SPTBN1: variants seen among roughly 807,000 people sequenced by gnomAD.
The protein encoded by SPTBN1 is spectrin beta, non-erythrocytic 1.
Under a neutral mutation model 266.4 loss-of-function variants are expected in SPTBN1, and 32 were observed. The ratio of observed to expected loss-of-function variants is 0.12; its 90% CI spans 0.09 to 0.16. The LOEUF (loss-of-function observed/expected upper bound fraction) is 0.16. Among genes scored for constraint, SPTBN1 ranks in the 10% least tolerant of loss-of-function variants. SPTBN1 has a pLI of 1.00. For synonymous variants in SPTBN1, 1,336 were observed against 1,162.2 expected, an observed-to-expected ratio of 1.15 and a Z score of -3.04; for missense variants, 2,296 against 3,067.1, an observed-to-expected ratio of 0.75 and a Z score of 5.94.
rs924648198 is a variant in SPTBN1, at chr2:54,626,652, G to C, written c.1644+418G>C. Among the ~76,000 whole-genome samples the C allele has an allele frequency of 1.3e-5, 2 of 152,326 alleles. No individual in the cohort carries two copies. Among genetic ancestry groups the C allele is most frequent in the East Asian group, 3.9e-4 (2 of 5,190 alleles). ...TGGTAGGTGCCATGGACAGAGGAGA[G>C]GTCAGGAACCAGGCAGCCAGAGTTC... On this transcript the variant is annotated intron_variant, in intron 12 of 35. Coordinates refer to ENST00000356805, the MANE Select transcript of SPTBN1 (RefSeq NM_003128.3). This position sits in a 1 kb window ranked among gnomAD's most constrained non-coding sequence, Gnocchi z 4.7.
At chr2:54,509,482 G>C (rs891722556) in intron 1 of SPTBN1, among the ~76,000 whole-genome samples, 1 of 152,252 alleles carries the variant, frequency 6.6e-6, no homozygotes, top group Non-Finnish European at 1.5e-5. Context: ...AAGTGTTAGG[G>C]CAGCGGCAGC....
intron 2 of SPTBN1, among the ~76,000 whole-genome samples, chr2:54,544,695 T>C (rs993715137): frequency 6.6e-6 from 1 of 152,222 alleles, no homozygotes; most frequent in African/African-American, 2.4e-5. Context: ...TATAGAGATA[T>C]AAAATATATC....
chr2:54,644,783 C>A (rs971382871), intron 20 of SPTBN1, among the ~76,000 whole-genome samples, 197 bp downstream of exon 20: 1 of 152,118 alleles, frequency 6.6e-6, no homozygotes. Context: ...TAGAAAGACA[C>A]AGTATTAGGA....
intron 3 of SPTBN1, among the ~76,000 whole-genome samples, chr2:54,608,433 G>T (rs1370938436): frequency 1.3e-5 from 2 of 152,166 alleles, no homozygotes; most frequent in African/African-American, 4.8e-5. Context: ...AGCCTTGGAA[G>T]GTAGGTAGGT....
chr2:54,648,518 G>A (rs1462728127), intron 24 of SPTBN1, among the ~76,000 whole-genome samples: 1 of 152,180 alleles, frequency 6.6e-6, no homozygotes, highest in Non-Finnish European at 1.5e-5. Flanking sequence ...TGTCCCTCTG[G>A]CAGCATGGTA....
chr2:54,577,054 G>A (rs75933598), intron 2 of SPTBN1, among the ~76,000 whole-genome samples: 5,904 of 152,052 alleles, frequency 0.039, 151 homozygotes, highest in Admixed American at 0.087. Context: ...CATCATGCAA[G>A]TTTTTTTTCC....
rs372500321 is a variant in SPTBN1 at position 54,645,500 on chromosome 2, G to C, written c.4494+47G>C. On this transcript the variant is annotated intron_variant, in intron 21 of 35. Coordinates refer to ENST00000356805, the MANE Select transcript of SPTBN1 (RefSeq NM_003128.3). The surrounding 1 kb of genome is among the most constrained non-coding windows in gnomAD (Gnocchi z 4.3). ...ACATGGCTTTTCCACGAGCCCCCTT[G>C]CCTGTGCTAAAGCCCACATTCTCAC... The C allele has an allele frequency of 6.3e-6, 10 of 1,589,480 alleles. No homozygotes were observed. In the African/African-American group the frequency reaches 1.1e-4, roughly 17 times the overall value.
At chr2:54,613,235 T>A (rs1677351131) in intron 4 of SPTBN1, among the ~76,000 whole-genome samples, 1 of 152,236 alleles carries the variant, frequency 6.6e-6, no homozygotes, top group Non-Finnish European at 1.5e-5. Context: ...CGAACAAATA[T>A]TCTAACAGTC....
intron 3 of SPTBN1, among the ~76,000 whole-genome samples, chr2:54,607,608 C>T (rs941414383): frequency 2.0e-5 from 3 of 151,662 alleles, no homozygotes; most frequent in African/African-American, 7.3e-5. Flanking sequence ...CAGAGCGAGA[C>T]TCTGTCTCAA....
chr2:54,514,218 G>A (rs968454588), intron 1 of SPTBN1, among the ~76,000 whole-genome samples: 10 of 152,162 alleles, frequency 6.6e-5, no homozygotes, highest in African/African-American at 1.7e-4. Flanking sequence ...TGTATTCATG[G>A]TTATACTGTA....
intron 7 of SPTBN1, 44 bp downstream of exon 7, chr2:54,618,237 C>A: frequency 6.8e-7 from 1 of 1,468,578 alleles, no homozygotes; most frequent in Non-Finnish European, 9.5e-7. Flanking sequence ...AGCATCTGTA[C>A]CATCCAGGTG....
chr2:54,524,627 C>G (rs1004764509), intron 1 of SPTBN1, among the ~76,000 whole-genome samples: 1 of 152,156 alleles, frequency 6.6e-6, no homozygotes, highest in African/African-American at 2.4e-5. Context: ...TCCACACAGC[C>G]CTGGGAAGAA....
intron 1 of SPTBN1, among the ~76,000 whole-genome samples, chr2:54,517,591 A>G (rs937629067): frequency 1.3e-5 from 2 of 152,016 alleles, no homozygotes; most frequent in Admixed American, 6.6e-5. Context: ...TTTCCCTGTC[A>G]GGATGATCTG....
At chr2:54,650,677 T>C (rs1680220018) in intron 26 of SPTBN1, among the ~76,000 whole-genome samples, 1 of 152,252 alleles carries the variant, frequency 6.6e-6, no homozygotes, top group African/African-American at 2.4e-5. Context: ...AGTATCTAAG[T>C]TATCTCAGCT....
chr2:54,475,839 A>T (rs1382160855), intron 1 of SPTBN1, among the ~76,000 whole-genome samples: 1 of 152,166 alleles, frequency 6.6e-6, no homozygotes, highest in Non-Finnish European at 1.5e-5. Flanking sequence ...CAAAGGCCTC[A>T]CCTCCACAAA....
chr2:54,663,246 T>G (rs1681170157), intron 32 of SPTBN1: 1 of 152,242 alleles, frequency 6.6e-6, no homozygotes, highest in African/African-American at 2.4e-5. Flanking sequence ...ACTGCTAATT[T>G]GGTGTCACTT....
chr2:54,499,210 A>C (rs1366002760), intron 1 of SPTBN1, among the ~76,000 whole-genome samples: 5 of 152,188 alleles, frequency 3.3e-5, no homozygotes, highest in Non-Finnish European at 5.9e-5. Flanking sequence ...CAATATTAGT[A>C]GTTTTTTTGT....
At chr2:54,529,235 C>G (rs542261860) in intron 2 of SPTBN1, 10 of 371,024 alleles carry the variant, frequency 2.7e-5, no homozygotes, top group Non-Finnish European at 4.7e-5. Flanking sequence ...CAGTCCCCTT[C>G]CTTCGGTGTT....
At chr2:54,471,800 A>ATTTTTTTTTTTTTTTTTTTTT (rs56043354) in intron 1 of SPTBN1, among the ~76,000 whole-genome samples, 2 of 102,716 alleles carry the variant, frequency 1.9e-5, no homozygotes, top group Non-Finnish European at 3.8e-5. Flanking sequence ...TTTTTTATCG[A>ATTTTTTTTTTTTTTTTTTTTT]TTTTTTTTTT....
Sources: allele counts gnomAD v4.1 joint callset (sites outside exome capture counted in the v4.1 genomes callset), GRCh38; gene constraint gnomAD v4.1.1; non-coding constraint Gnocchi (gnomAD v3.1); transcripts MANE v1.5; gene names NCBI Gene and HGNC (gene_info 2026-07-23, HGNC 2026-07-21).